PRLR: variants seen among roughly 807,000 people sequenced by gnomAD.
The protein encoded by PRLR is prolactin receptor.
A neutral mutation model predicts 40.2 loss-of-function variants in PRLR; 13 were observed. The observed-to-expected ratio is 0.32, with a 90% CI of 0.21 to 0.51. The LOEUF is 0.51. Among genes scored for constraint, PRLR ranks in the 20% least tolerant of loss-of-function variants. PRLR has a pLI of 0.97. For synonymous variants in PRLR, 269 were observed against 278.7 expected (o/e 0.97, Z 0.35); for missense variants, 656 against 747.3 (o/e 0.88, Z 1.42).
intron 1 of PRLR, among the ~76,000 whole-genome samples, chr5:35,208,930 T>C (rs1298894313): frequency 6.6e-6 from 1 of 152,094 alleles, no homozygotes; most frequent in Non-Finnish European, 1.5e-5. Context: ...TATTTTAAAC[T>C]TAACAAATTA....
rs1325713757 is a variant in PRLR at position 35,068,893 on chromosome 5, G to T, written c.686-15C>A. 2.5e-6 allele frequency: 4 copies of T among 1,578,624 alleles called. No individual in the cohort carries two copies. Among genetic ancestry groups the T allele is most frequent in the Admixed American group, 3.3e-5 (2 of 59,856 alleles). ...CATGGTGAAGTCTAAAAAACAAACA[G>T]CCAGAAAGCTTTGATCACGTACAGC... On this transcript the variant is annotated splice_polypyrimidine_tract_variant and intron_variant, in intron 7 of 9. Transcript: ENST00000618457.
At chr5:35,072,842 T>C in intron 5 of PRLR, 98 bp from the exon 6 acceptor site, 1 of 1,398,556 alleles carries the variant, frequency 7.2e-7, no homozygotes, top group Non-Finnish European at 9.7e-7. Flanking sequence ...GTTTATCATC[T>C]CACTCTTCCC....
At chr5:35,143,788 C>T (rs1055936759) in intron 1 of PRLR, among the ~76,000 whole-genome samples, 1 of 152,150 alleles carries the variant, frequency 6.6e-6, no homozygotes, top group African/African-American at 2.4e-5. Context: ...TTTATGTATT[C>T]ACGCATTTCT....
At chr5:35,101,783 A>C (rs1350657860) in intron 2 of PRLR, among the ~76,000 whole-genome samples, 1 of 148,402 alleles carries the variant, frequency 6.7e-6, no homozygotes, top group African/African-American at 2.4e-5. Flanking sequence ...TACCTTATAA[A>C]ACATATATAT....
intron 1 of PRLR, among the ~76,000 whole-genome samples, chr5:35,133,935 T>C (rs532161852): frequency 1.3e-5 from 2 of 152,004 alleles, no homozygotes; most frequent in Non-Finnish European, 2.9e-5. Context: ...GAACAACAAA[T>C]GGAAAACCAA....
At chr5:35,152,493 C>T (rs1318781856) in intron 1 of PRLR, among the ~76,000 whole-genome samples, 1 of 152,056 alleles carries the variant, frequency 6.6e-6, no homozygotes, top group Non-Finnish European at 1.5e-5. Flanking sequence ...AAAATTTTAG[C>T]ATAGGAGATT....
At chr5:35,184,585 A>G (rs1202021407) in intron 1 of PRLR, among the ~76,000 whole-genome samples, 1 of 152,208 alleles carries the variant, frequency 6.6e-6, no homozygotes, top group African/African-American at 2.4e-5. Flanking sequence ...CTACTCAACT[A>G]GAATGACTGA....
chr5:35,107,149 G>A (rs888552094), intron 2 of PRLR, among the ~76,000 whole-genome samples: 6 of 152,146 alleles, frequency 3.9e-5, no homozygotes, highest in Non-Finnish European at 8.8e-5. Context: ...GTAAATGAAG[G>A]CAGAAAGAAA....
At chr5:35,209,935 G>A (rs1776127425) in intron 1 of PRLR, among the ~76,000 whole-genome samples, 2 of 151,984 alleles carry the variant, frequency 1.3e-5, no homozygotes, top group South Asian at 2.1e-4. Flanking sequence ...TAAAAACTAC[G>A]CACGAGATCA....
intron 8 of PRLR, among the ~76,000 whole-genome samples, chr5:35,050,296 C>T (rs1768451501): frequency 1.3e-5 from 2 of 152,228 alleles, no homozygotes; most frequent in African/African-American, 4.8e-5. Context: ...GAAACTTAGA[C>T]TGCCTCTAGA....
intron 1 of PRLR, among the ~76,000 whole-genome samples, chr5:35,134,201 C>A (rs1407696368): frequency 2.0e-5 from 3 of 152,070 alleles, no homozygotes; most frequent in Non-Finnish European, 4.4e-5. Context: ...AAACAACAAA[C>A]AACAAAACCC....
At chr5:35,101,863 T>C (rs1368517303) in intron 2 of PRLR, among the ~76,000 whole-genome samples, 4 of 150,582 alleles carry the variant, frequency 2.7e-5, no homozygotes, top group African/African-American at 2.4e-5. Context: ...ACTCTTGCTC[T>C]GTCACCCAGG....
intron 2 of PRLR, among the ~76,000 whole-genome samples, chr5:35,106,191 C>T (rs904133778): frequency 2.0e-5 from 3 of 152,294 alleles, no homozygotes; most frequent in Non-Finnish European, 2.9e-5. Flanking sequence ...GATTTTGTCA[C>T]CACCAGGCCT....
intron 1 of PRLR, among the ~76,000 whole-genome samples, chr5:35,134,099 A>G (rs567463405): frequency 1.3e-5 from 2 of 152,284 alleles, no homozygotes; most frequent in African/African-American, 4.8e-5. Context: ...TGCTCGGGTG[A>G]TGGGTGCACC....
chr5:35,125,787 G>A (rs190590936), intron 1 of PRLR, among the ~76,000 whole-genome samples: 6 of 152,206 alleles, frequency 3.9e-5, no homozygotes, highest in Non-Finnish European at 8.8e-5. Context: ...AGCCAAAATT[G>A]TTCCTATTTT....
chr5:35,229,852 C>CTTTTT (rs199583689), intron 1 of PRLR, among the ~76,000 whole-genome samples: 1 of 152,056 alleles, frequency 6.6e-6, no homozygotes, highest in African/African-American at 2.4e-5. Flanking sequence ...CCTCCCCGCT[C>CTTTTT]TTTTTTTCTT....
chr5:35,111,596 GT>G (rs1224431109), intron 2 of PRLR, among the ~76,000 whole-genome samples: 5 of 152,070 alleles, frequency 3.3e-5, no homozygotes, highest in African/African-American at 1.2e-4. Flanking sequence ...TTTCATTTTG[GT>G]ATTTATAAAA....
chr5:35,136,352 A>G (rs1773858343), intron 1 of PRLR, among the ~76,000 whole-genome samples: 1 of 152,250 alleles, frequency 6.6e-6, no homozygotes, highest in Non-Finnish European at 1.5e-5. Flanking sequence ...CCTCAGCCTC[A>G]GCACTGTGGA....
At chr5:35,212,562 T>C (rs1776196932) in intron 1 of PRLR, among the ~76,000 whole-genome samples, 2 of 152,356 alleles carry the variant, frequency 1.3e-5, no homozygotes, top group South Asian at 2.1e-4. Flanking sequence ...CTTCCCTTTT[T>C]TCCCCCCAGT....
Sources: allele counts gnomAD v4.1 joint callset (sites outside exome capture counted in the v4.1 genomes callset), GRCh38; gene constraint gnomAD v4.1.1; transcripts MANE v1.5; gene names NCBI Gene and HGNC (gene_info 2026-07-23, HGNC 2026-07-21).